Variants in NEK1 observed in about 807,000 individuals in gnomAD.
The protein encoded by NEK1 is serine/threonine-protein kinase Nek1.
NEK1 carries 137 observed loss-of-function variants against 182.1 expected under a neutral mutation model. The ratio of observed to expected loss-of-function variants is 0.75; its 90% CI spans 0.65 to 0.87. The LOEUF (loss-of-function observed/expected upper bound fraction) is 0.87. NEK1 is among the 40% of genes least tolerant of loss of function. NEK1 has a pLI of 0.00. For missense variants in NEK1, 1,391 were observed against 1,494.4 expected (o/e 0.93, Z 1.14); for synonymous variants, 513 against 492.2 (o/e 1.04, Z -0.56).
chr4:169,512,549 C>T (rs1399864278), intron 19 of NEK1, among the ~76,000 whole-genome samples: 1 of 151,922 alleles, frequency 6.6e-6, no homozygotes, highest in Non-Finnish European at 1.5e-5. Context: ...TTTCTCTCAA[C>T]CTGTAATTTG....
chr4:169,447,762 G>A (rs1475262877), intron 27 of NEK1, among the ~76,000 whole-genome samples: 3 of 152,084 alleles, frequency 2.0e-5, no homozygotes, highest in Admixed American at 6.5e-5. Flanking sequence ...CAGACTAGTC[G>A]GGAGGCTGAG....
intron 12 of NEK1, among the ~76,000 whole-genome samples, chr4:169,569,935 G>A (rs1385539668): frequency 2.0e-5 from 3 of 150,070 alleles, no homozygotes; most frequent in Non-Finnish European, 3.0e-5. Context: ...AGTGAGGAGC[G>A]TCTCTGCCTG....
intron 21 of NEK1, 30 bp from the exon 22 acceptor site, chr4:169,507,822 T>G: frequency 6.7e-7 from 1 of 1,496,012 alleles, no homozygotes; most frequent in Non-Finnish European, 9.3e-7. Flanking sequence ...GCAAATCACT[T>G]AGGATAGAAT....
chr4:169,447,807 T>C (rs753516898), intron 27 of NEK1, among the ~76,000 whole-genome samples: 3 of 152,214 alleles, frequency 2.0e-5, no homozygotes, highest in Non-Finnish European at 4.4e-5. Flanking sequence ...AGGTGGAGGC[T>C]GCAGTGAGCC....
chr4:169,523,827 TAC>T (rs913291589), intron 19 of NEK1, among the ~76,000 whole-genome samples: 1 of 152,240 alleles, frequency 6.6e-6, no homozygotes, highest in Non-Finnish European at 1.5e-5. Flanking sequence ...CCTAACATAT[TAC>T]AGTCATTAAT....
At chr4:169,419,516 G>T (rs185971261) in intron 31 of NEK1, among the ~76,000 whole-genome samples, 3 of 152,242 alleles carry the variant, frequency 2.0e-5, no homozygotes, top group African/African-American at 7.2e-5. Flanking sequence ...AAAGATAAAT[G>T]AATGTTTAAG....
At chr4:169,561,286 A>C in intron 16 of NEK1, among the ~76,000 whole-genome samples, 194 bp downstream of exon 16, 1 of 152,220 alleles carries the variant, frequency 6.6e-6, no homozygotes. Flanking sequence ...GTATAGTCAC[A>C]TAACAGCAAC....
intron 19 of NEK1, among the ~76,000 whole-genome samples, chr4:169,529,767 C>G (rs1757402151): frequency 6.6e-6 from 1 of 152,128 alleles, no homozygotes; most frequent in Non-Finnish European, 1.5e-5. Flanking sequence ...AAAGACCTTT[C>G]TCTAAAAGGA....
intron 31 of NEK1, among the ~76,000 whole-genome samples, chr4:169,423,176 C>T (rs1180482868): frequency 6.6e-6 from 1 of 152,180 alleles, no homozygotes; most frequent in Non-Finnish European, 1.5e-5. Context: ...AATCTTGGCT[C>T]ACTGCAACCT....
chr4:169,419,268 C>T (rs1396038440), intron 31 of NEK1, among the ~76,000 whole-genome samples: 1 of 151,644 alleles, frequency 6.6e-6, no homozygotes, highest in Non-Finnish European at 1.5e-5. Flanking sequence ...CAATATAATT[C>T]TATATCTAGT....
intron 23 of NEK1, among the ~76,000 whole-genome samples, chr4:169,491,480 A>C (rs960806076): frequency 6.6e-6 from 1 of 152,200 alleles, no homozygotes; most frequent in Non-Finnish European, 1.5e-5. Flanking sequence ...TAATTAAAAA[A>C]ACCCTGCCAG....
In NEK1 at chr4:169,585,478, A is replaced by G. The variant is rs146378228; in HGVS notation, c.678T>C (p.His226=). The change falls in exon 10 of 36, where the codon CAT becomes CAC. Residue 226 remains histidine (H), a synonymous_variant. Transcript: ENST00000507142. The part of the protein sequence containing the change: ...ISGSFPPVSL[H]YSYDLRSLVS... Reference sequence around the variant, plus strand: ...CCAAACTGCGGAGATCATAGGAATAATGCAAAGACACAGGTGGAAAAGATC... The same window carrying G: ...CCAAACTGCGGAGATCATAGGAATAGTGCAAAGACACAGGTGGAAAAGATC... The G allele has an allele frequency of 6.2e-7, 1 of 1,613,714 alleles. No homozygotes were observed. Among genetic ancestry groups the G allele is most frequent in the East Asian group, 2.2e-5 (1 of 44,858 alleles).
chr4:169,558,815 A>G (rs985341927), intron 16 of NEK1, among the ~76,000 whole-genome samples: 1 of 152,218 alleles, frequency 6.6e-6, no homozygotes, highest in African/African-American at 2.4e-5. Context: ...TATTTATACT[A>G]TGAATAAAAA....
rs539796008 is a variant in NEK1, at chr4:169,441,398, G to C, written c.2588-3139C>G. Among the ~76,000 whole-genome samples the C allele has an allele frequency of 1.1e-4, 16 of 152,342 alleles. No individual in the cohort carries two copies. In the South Asian group the frequency reaches 1.7e-3, roughly 16 times the overall value. The stretch of plus-strand genomic sequence containing the variant: ...CGATCTGCCCCATGCATCAGAGCTG[G>C]CACTAGCAAGCATGTCATCCAGGAC... On this transcript the variant is annotated intron_variant, in intron 27 of 35. Transcript: ENST00000507142.
At chr4:169,447,748 G>C (rs943472603) in intron 27 of NEK1, among the ~76,000 whole-genome samples, 1 of 151,994 alleles carries the variant, frequency 6.6e-6, no homozygotes, top group Admixed American at 6.5e-5. Flanking sequence ...ACACACCTGT[G>C]ATCCAGACTA....
At chr4:169,525,797 A>G (rs1756811548) in intron 19 of NEK1, among the ~76,000 whole-genome samples, 1 of 152,238 alleles carries the variant, frequency 6.6e-6, no homozygotes, top group African/African-American at 2.4e-5. Flanking sequence ...AACTAAAGCA[A>G]ACAGTAATAT....
intron 28 of NEK1, among the ~76,000 whole-genome samples, chr4:169,434,551 T>G (rs1407755909): frequency 2.0e-5 from 3 of 152,300 alleles, no homozygotes; most frequent in Non-Finnish European, 4.4e-5. Flanking sequence ...CTCTGTTTTC[T>G]GGCAGTGGCT....
chr4:169,534,200 C>T lies in NEK1; in HGVS notation c.1665+3609G>A, dbSNP rs1319332141. 2.0e-5 allele frequency among the ~76,000 whole-genome samples: 3 copies of T among 152,312 alleles called. No homozygotes were observed. In the East Asian group the frequency reaches 5.8e-4, roughly 29 times the overall value. On this transcript the variant is annotated intron_variant, in intron 19 of 35. Transcript: ENST00000507142. ...AACAGATCTACCCTCCCATCTTAAA[C>T]ACTAAAAGTCTGAACAAAGCATATG...
chr4:169,545,329 T>C (rs1444249722), intron 18 of NEK1, among the ~76,000 whole-genome samples: 1 of 151,802 alleles, frequency 6.6e-6, no homozygotes, highest in Non-Finnish European at 1.5e-5. Context: ...TTGCGATAGT[T>C]TACTGAGAAT....
Sources: gnomAD v4.1 joint callset for allele counts (sites outside exome capture counted in the v4.1 genomes callset) on GRCh38, gnomAD v4.1.1 for gene constraint, MANE v1.5 for transcripts, NCBI Gene and HGNC (gene_info 2026-07-23, HGNC 2026-07-21) for gene names.